The following ANO4 variants were observed in gnomAD, a reference collection of about 807,000 sequenced individuals.
The protein encoded by ANO4 is anoctamin 4, also known as anoctamin-4.
In ANO4, 69 loss-of-function variants were observed where a neutral mutation model predicts 141.9. The observed-to-expected ratio is 0.49, with a 90% CI of 0.40 to 0.59. The LOEUF is 0.59. ANO4 is among the 20% of genes least tolerant of loss of function. The pLI, the probability that ANO4 is intolerant of heterozygous loss-of-function variation, is 0.00. For missense variants in ANO4, 894 were observed against 1,162.2 expected (o/e 0.77, Z 3.36); for synonymous variants, 350 against 394.3 (o/e 0.89, Z 1.33).
At chr12:100,914,090 A>C (rs975366275) in intron 2 of ANO4, among the ~76,000 whole-genome samples, 1 of 152,160 alleles carries the variant, frequency 6.6e-6, no homozygotes, top group Admixed American at 6.5e-5. Context: ...AATTCTGCCT[A>C]TGTGATTCAC....
chr12:101,091,264 A>G (rs1391829805), intron 17 of ANO4, among the ~76,000 whole-genome samples: 1 of 152,188 alleles, frequency 6.6e-6, no homozygotes, highest in Non-Finnish European at 1.5e-5. Flanking sequence ...AGAGGGAAAG[A>G]AAAGAAAAAA....
chr12:100,843,670 A>G (rs2037399556), intron 1 of ANO4, among the ~76,000 whole-genome samples: 1 of 152,230 alleles, frequency 6.6e-6, no homozygotes. Context: ...TACTCCTTCA[A>G]ATACATACAA....
chr12:100,763,388 A>G (rs2032956591), intron 3 of ANO4, among the ~76,000 whole-genome samples: 1 of 152,352 alleles, frequency 6.6e-6, no homozygotes, highest in Non-Finnish European at 1.5e-5. Context: ...CAAAGTAGGC[A>G]TATTTCCACC....
At chr12:100,999,008 A>G (rs886549935) in intron 8 of ANO4, among the ~76,000 whole-genome samples, 1 of 152,242 alleles carries the variant, frequency 6.6e-6, no homozygotes, top group East Asian at 1.9e-4. Flanking sequence ...AACTTATCCA[A>G]TGTCAAACAG....
intron 3 of ANO4, among the ~76,000 whole-genome samples, chr12:100,787,614 C>A (rs183641467): frequency 5.8e-4 from 88 of 152,198 alleles, no homozygotes; most frequent in African/African-American, 1.8e-3. Context: ...CTATGATATT[C>A]GCTCTGGGGA....
At chr12:100,959,725 G>T (rs551403789) in intron 5 of ANO4, among the ~76,000 whole-genome samples, 7 of 152,202 alleles carry the variant, frequency 4.6e-5, no homozygotes, top group Middle Eastern at 3.4e-3. Flanking sequence ...TTCCTGGATT[G>T]CTTCCTTCTT....
At chr12:100,927,819 T>C (rs2041933694) in intron 3 of ANO4, among the ~76,000 whole-genome samples, 1 of 152,120 alleles carries the variant, frequency 6.6e-6, no homozygotes, top group Admixed American at 6.6e-5. Context: ...AGGGACACTC[T>C]TGAATGGCAT....
At chr12:100,767,669 G>A (rs61944803) in intron 3 of ANO4, among the ~76,000 whole-genome samples, 25,324 of 152,148 alleles carry the variant, frequency 0.17, 2,283 homozygotes, top group Middle Eastern at 0.19. Flanking sequence ...ATTCAGAATG[G>A]CATGCAATTT....
chr12:101,079,303 T>C (rs1450896861), intron 15 of ANO4, 28 bp downstream of exon 15: 2 of 1,589,984 alleles, frequency 1.3e-6, no homozygotes, highest in Non-Finnish European at 1.7e-6. Context: ...CAGAATGTTG[T>C]AAAAAGCAAA....
chr12:101,005,729 A>G (rs1386986586), intron 8 of ANO4, among the ~76,000 whole-genome samples: 1 of 152,226 alleles, frequency 6.6e-6, no homozygotes, highest in African/African-American at 2.4e-5. Flanking sequence ...ATGGAACCTT[A>G]TATATAAATA....
intron 1 of ANO4, among the ~76,000 whole-genome samples, chr12:100,834,632 T>C (rs1593464277): frequency 6.6e-6 from 1 of 152,242 alleles, no homozygotes; most frequent in Middle Eastern, 3.4e-3. Context: ...GGAGCTTGTA[T>C]TTTGGTGGCA....
At chr12:100,923,300 C>T (rs556710597) in intron 3 of ANO4, among the ~76,000 whole-genome samples, 60 of 148,874 alleles carry the variant, frequency 4.0e-4, no homozygotes, top group Non-Finnish European at 7.3e-4. Context: ...CCCCACCCTA[C>T]GACAGGCCCT....
intron 1 of ANO4, among the ~76,000 whole-genome samples, chr12:100,728,128 C>A (rs989037432): frequency 6.6e-6 from 1 of 152,064 alleles, no homozygotes; most frequent in Non-Finnish European, 1.5e-5. Flanking sequence ...CACATATTTA[C>A]AAGAATTCCA....
intron 1 of ANO4, among the ~76,000 whole-genome samples, chr12:100,890,517 G>A (rs1004325302): frequency 3.9e-5 from 6 of 152,060 alleles, no homozygotes; most frequent in African/African-American, 1.4e-4. Flanking sequence ...ACCTTATATG[G>A]GTATGAAATT....
intron 5 of ANO4, among the ~76,000 whole-genome samples, chr12:100,958,738 C>G (rs1281473034): frequency 6.6e-6 from 1 of 152,122 alleles, no homozygotes; most frequent in Non-Finnish European, 1.5e-5. Context: ...GTCCGAGCTA[C>G]TTGGGAGGCT....
intron 1 of ANO4, among the ~76,000 whole-genome samples, chr12:100,855,583 GTT>G (rs1163470303): frequency 1.3e-5 from 2 of 152,104 alleles, no homozygotes; most frequent in Non-Finnish European, 2.9e-5. Context: ...TACTTACAGA[GTT>G]TGTTTTCTGT....
At chr12:100,731,986 G>A (rs1014169495) in intron 1 of ANO4, among the ~76,000 whole-genome samples, 11 of 152,102 alleles carry the variant, frequency 7.2e-5, no homozygotes, top group African/African-American at 2.2e-4. Context: ...ATTCCTCTAC[G>A]GAAGGACATC....
chr12:100,846,384 C>G (rs140570870), intron 1 of ANO4, among the ~76,000 whole-genome samples: 17 of 152,286 alleles, frequency 1.1e-4, no homozygotes, highest in African/African-American at 3.4e-4. Context: ...ACAGTTTCCC[C>G]CAATGGTAAC....
chr12:100,859,364 G>C (rs1208777752), intron 1 of ANO4: 2 of 152,170 alleles, frequency 1.3e-5, no homozygotes, highest in African/African-American at 4.8e-5. Context: ...TTAAGTGACA[G>C]TGTGAACAGA....
Sources: gnomAD v4.1 joint callset for allele counts (sites outside exome capture counted in the v4.1 genomes callset) on GRCh38, gnomAD v4.1.1 for gene constraint, MANE v1.5 for transcripts, NCBI Gene and HGNC (gene_info 2026-07-23, HGNC 2026-07-21) for gene names.